The following ARL4A variants were observed in gnomAD, a reference collection of about 807,000 sequenced individuals.
The protein encoded by ARL4A is ADP-ribosylation factor-like protein 4A.
ARL4A carries 5 observed loss-of-function variants against 13.9 expected under a neutral mutation model. That is an observed-to-expected ratio of 0.36 (90% CI 0.19 to 0.75). The LOEUF (loss-of-function observed/expected upper bound fraction) is 0.75, where lower values mean the gene tolerates loss of function less well. Among genes scored for constraint, ARL4A ranks in the 30% least tolerant of loss-of-function variants. The pLI is 0.53. For synonymous variants in ARL4A, 77 were observed against 84.4 expected, an observed-to-expected ratio of 0.91 and a Z score of 0.48; for missense variants, 147 against 225.8, an observed-to-expected ratio of 0.65 and a Z score of 2.24.
chr7:12,688,135 A>G lies in ARL4A; in HGVS notation c.-89-31A>G. ...ACCTGTTTTAATGTATTATTTCGGG[A>G]GAATAACTTATTCCTTCTTCCGTCT... On this transcript the variant is annotated intron_variant, in intron 1 of 1. Coordinates refer to ENST00000651779, the MANE Select transcript of ARL4A (RefSeq NM_005738.5). This position sits in a 1 kb window ranked among gnomAD's most constrained non-coding sequence, Gnocchi z 5.2. 1 of 1,396,532 alleles carries G rather than the reference A, an allele frequency of 7.2e-7. No individual in the cohort carries two copies. The highest frequency in any genetic ancestry group is 9.7e-7 in the Non-Finnish European group (1 of 1,033,140). The allele number at this position is 1,396,532 out of a possible 1,614,324, so 86.5% of individuals were successfully genotyped here.
chr7:12,687,023 G>A (rs1413743680), upstream of ARL4A: 1 of 152,388 alleles, frequency 6.6e-6, no homozygotes, highest in Non-Finnish European at 1.5e-5. The surrounding 1 kb of genome is among the most constrained non-coding windows in gnomAD (Gnocchi z 5.6). Context: ...GAATGAAGAA[G>A]AGGGAAGGAC....
chr7:12,688,342 T>G lies in ARL4A; in HGVS notation c.88T>G (p.Cys30Gly), dbSNP rs144595174. Residue 30 changes from cysteine to glycine, a missense_variant, in exon 2 of 2, where the codon TGT becomes GGT. By Grantham distance (159) the Cys-to-Gly change is radical (BLOSUM62 -3). Transcript: ENST00000651779. This position sits in a 1 kb window ranked among gnomAD's most constrained non-coding sequence, Gnocchi z 5.2. ...CCACATTGTTATTCTGGGTTTGGACTGTGCTGGAAAGACAACTGTCTTATA... is the reference window on the plus strand; with the variant it reads ...CCACATTGTTATTCTGGGTTTGGACGGTGCTGGAAAGACAACTGTCTTATA... ...SFHIVILGLD[C>G]AGKTTVLYRL... 36 of 1,613,956 alleles carry G rather than the reference T, an allele frequency of 2.2e-5. No homozygotes were observed. In the African/African-American group the frequency reaches 4.8e-4, roughly 22 times the overall value.
In ARL4A at chr7:12,688,509, G is replaced by A; in HGVS notation, c.255G>A (p.Leu85=). The change falls in exon 2 of 2, where the codon CTG becomes CTA. Residue 85 remains leucine, a synonymous_variant. Transcript: ENST00000651779. The surrounding 1 kb of genome is among the most constrained non-coding windows in gnomAD (Gnocchi z 5.2). ...GTGGTCAGGAGAAATTAAGGCCACT[G>A]TGGAAGTCATATACCAGATGCACAG... ...DVGGQEKLRP[L]WKSYTRCTDG... The A allele has an allele frequency of 3.1e-6, 5 of 1,612,010 alleles. No homozygotes were observed. Among genetic ancestry groups the A allele is most frequent in the South Asian group, 1.1e-5 (1 of 90,992 alleles).
chr7:12,687,366 C>T (rs927218838), upstream of ARL4A: 2 of 152,246 alleles, frequency 1.3e-5, no homozygotes, highest in Admixed American at 6.5e-5. The surrounding 1 kb of genome is among the most constrained non-coding windows in gnomAD (Gnocchi z 5.6). Context: ...CCGCCCGAGG[C>T]TCCCCTTCAC....
At position 12,688,805 on chromosome 7, in the gene ARL4A, A is replaced by G. The variant is rs1784570156; in HGVS notation, c.551A>G (p.Asp184Gly). 1 of 1,609,770 alleles carries G rather than the reference A, an allele frequency of 6.2e-7. No homozygotes were observed. Among genetic ancestry groups the G allele is most frequent in the African/African-American group, 1.3e-5 (1 of 74,550 alleles). Residue 184 changes from aspartate (D) to glycine (G), a missense_variant, in exon 2 of 2, where the codon GAT (aspartate) becomes GGT (glycine). Coordinates refer to ENST00000651779, the MANE Select transcript of ARL4A (RefSeq NM_005738.5). This position sits in a 1 kb window ranked among gnomAD's most constrained non-coding sequence, Gnocchi z 5.2. ...GLKEGLEKLHDMIIKRRKMLR... is the reference protein window; with the variant it reads ...GLKEGLEKLHGMIIKRRKMLR... ...AAGGAAGGACTTGAGAAACTACATG[A>G]TATGATCATTAAAAGAAGAAAAATG...
At position 12,687,916 on chromosome 7, in the gene ARL4A, A is replaced by G. The variant is rs1784551183; in HGVS notation, c.-90+188A>G. Among the ~76,000 whole-genome samples the G allele has an allele frequency of 6.6e-6, 1 of 152,034 alleles. No individual in the cohort carries two copies. Among genetic ancestry groups the G allele is most frequent in the African/African-American group, 2.4e-5 (1 of 41,424 alleles). The stretch of plus-strand genomic sequence containing the variant: ...GGTTCTTTCCAGAATGAGGTCTTTG[A>G]GGTTTGGGGACCCAGGAGAAAAACG... On this transcript the variant is annotated intron_variant, in intron 1 of 1. Coordinates refer to ENST00000651779, the MANE Select transcript of ARL4A (RefSeq NM_005738.5). This position sits in a 1 kb window ranked among gnomAD's most constrained non-coding sequence, Gnocchi z 5.6.
upstream of ARL4A, chr7:12,687,440 T>C (rs1784540832): frequency 6.6e-6 from 1 of 152,260 alleles, no homozygotes; most frequent in African/African-American, 2.4e-5. This position sits in a 1 kb window ranked among gnomAD's most constrained non-coding sequence, Gnocchi z 5.6. Flanking sequence ...CAACAGGTGG[T>C]GCCGGTGGAC....
rs551368390 is a variant in ARL4A, at chr7:12,690,004, T to C, written c.*1147T>C. On this transcript the variant is annotated 3_prime_UTR_variant, in exon 2 of 2. Coordinates refer to ENST00000651779, the MANE Select transcript of ARL4A (RefSeq NM_005738.5). ...TACATGGGCTGTCCAGTCCTGATTA[T>C]AGAGAGGAAGAAATGGTAACAGTAT... 6.0e-6 allele frequency: 1 copy of C among 166,974 alleles called. No homozygotes were observed. The highest frequency in any genetic ancestry group is 2.4e-5 in the African/African-American group (1 of 41,410). 10.3% of individuals were successfully genotyped at this position (166,974 alleles called of 1,614,324 possible). A position where few individuals can be genotyped will look rare whatever the true frequency, so the allele number is the denominator to read the frequency against.
rs749882410 is a variant in ARL4A, at chr7:12,688,346, C to G, written c.92C>G (p.Ala31Gly). 1.9e-6 allele frequency: 3 copies of G among 1,613,794 alleles called. No homozygotes were observed. In the African/African-American group the frequency reaches 4.0e-5, roughly 22 times the overall value. Residue 31 changes from alanine to glycine, a missense_variant, in exon 2 of 2, where the codon GCT becomes GGT. By Grantham distance (60) the Ala-to-Gly change is moderately conservative (BLOSUM62 0). Coordinates refer to ENST00000651779, the MANE Select transcript of ARL4A (RefSeq NM_005738.5). The surrounding 1 kb of genome is among the most constrained non-coding windows in gnomAD (Gnocchi z 5.2). The stretch of plus-strand genomic sequence containing the variant: ...ATTGTTATTCTGGGTTTGGACTGTG[C>G]TGGAAAGACAACTGTCTTATACAGG... ...FHIVILGLDC[A>G]GKTTVLYRLQ... is the part of the protein sequence containing the mutation.
chr7:12,688,159 C>T lies in ARL4A; in HGVS notation c.-89-7C>T. On this transcript the variant is annotated splice_region_variant and splice_polypyrimidine_tract_variant and intron_variant, in intron 1 of 1. Coordinates refer to ENST00000651779, the MANE Select transcript of ARL4A (RefSeq NM_005738.5). The surrounding 1 kb of genome is among the most constrained non-coding windows in gnomAD (Gnocchi z 5.2). ...GAGAATAACTTATTCCTTCTTCCGT[C>T]TCCCAGCAGTCTTATAGCTGGATCA... 1 of 1,468,466 alleles carries T rather than the reference C, an allele frequency of 6.8e-7. No homozygotes were observed. Among genetic ancestry groups the T allele is most frequent in the South Asian group, 1.5e-5 (1 of 68,648 alleles). 91.0% of individuals were successfully genotyped at this position (1,468,466 alleles called of 1,614,324 possible).
upstream of ARL4A, chr7:12,687,485 G>C (rs1784542445): frequency 6.5e-6 from 1 of 152,770 alleles, no homozygotes; most frequent in Admixed American, 6.5e-5. The surrounding 1 kb of genome is among the most constrained non-coding windows in gnomAD (Gnocchi z 5.6). Flanking sequence ...GCTGGGAGCG[G>C]CAGTTACCCT....
Position 12,690,445 on chromosome 7 carries a change from T to C in ARL4A, c.*1588T>C, listed in dbSNP as rs999774422. The C allele has an allele frequency of 1.8e-5, 3 of 166,950 alleles. No individual in the cohort carries two copies. Among genetic ancestry groups the C allele is most frequent in the African/African-American group, 7.2e-5 (3 of 41,450 alleles). The allele number at this position is 166,950 out of a possible 1,614,324, so 10.3% of individuals were successfully genotyped here. On this transcript the variant is annotated 3_prime_UTR_variant, in exon 2 of 2. Transcript: ENST00000651779. ...GTCACTTAGAATGTTTATAGAAATG[T>C]GGATAATAACTACCAATAAACTACT...
Position 12,689,058 on chromosome 7 carries a change from C to T in ARL4A, c.*201C>T. The stretch of plus-strand genomic sequence containing the variant: ...GTGCTTCTTAAAGTGGTCTCTTCTC[C>T]CTACCCCACAAATCTTTTGGTACTA... On this transcript the variant is annotated 3_prime_UTR_variant, in exon 2 of 2. Coordinates refer to ENST00000651779, the MANE Select transcript of ARL4A (RefSeq NM_005738.5). 1 of 534,182 alleles carries T rather than the reference C, an allele frequency of 1.9e-6. No homozygotes were observed. The highest frequency in any genetic ancestry group is 3.3e-6 in the Non-Finnish European group (1 of 298,678). The allele number at this position is 534,182 out of a possible 1,614,324, so 33.1% of individuals were successfully genotyped here.
In ARL4A at chr7:12,689,078, G is replaced by C. The variant is rs1347893535; in HGVS notation, c.*221G>C. On this transcript the variant is annotated 3_prime_UTR_variant, in exon 2 of 2. Coordinates refer to ENST00000651779, the MANE Select transcript of ARL4A (RefSeq NM_005738.5). ...TTCTCCCTACCCCACAAATCTTTTG[G>C]TACTACCATTTGGGGAAGCCAAGCA... 1.5e-5 allele frequency: 7 copies of C among 471,430 alleles called. No homozygotes were observed. The highest frequency in any genetic ancestry group is 2.3e-5 in the Non-Finnish European group (6 of 257,428). The allele number at this position is 471,430 out of a possible 1,614,324, so 29.2% of individuals were successfully genotyped here.
rs1372844380 is a variant in ARL4A, at chr7:12,688,285, A to G, written c.31A>G (p.Ile11Val). 23 of 1,609,546 alleles carry G rather than the reference A, an allele frequency of 1.4e-5. No homozygotes were observed. The African/African-American group carries it at 2.1e-4, about 15-fold the overall frequency. Residue 11 changes from isoleucine to valine, a missense_variant, in exon 2 of 2, where the codon ATC becomes GTC. Ile to Val is a conservative substitution (Grantham distance 29). Transcript: ENST00000651779. The surrounding 1 kb of genome is among the most constrained non-coding windows in gnomAD (Gnocchi z 5.2). MGNGLSDQTS[I>V]LSNLPSFQSF... ...GAATGGGCTGTCAGACCAGACTTCT[A>G]TCCTGTCCAACCTGCCTTCATTTCA...
upstream of ARL4A, chr7:12,687,300 G>A (rs1308204247): frequency 6.6e-6 from 1 of 152,198 alleles, no homozygotes; most frequent in Non-Finnish European, 1.5e-5. The surrounding 1 kb of genome is among the most constrained non-coding windows in gnomAD (Gnocchi z 5.6). Context: ...TTGACGCCCT[G>A]GCTGCGCTGC....
Position 12,688,433 on chromosome 7 carries a change from A to G in ARL4A, c.179A>G (p.Lys60Arg), listed in dbSNP as rs774770611. Reference sequence around the variant, plus strand: ...AAAGGATTTAACACTGAGAAAATTAAGGTAACCTTGGGAAATTCTAAAACA... The same window carrying G: ...AAAGGATTTAACACTGAGAAAATTAGGGTAACCTTGGGAAATTCTAAAACA... ...PTKGFNTEKI[K>R]VTLGNSKTVT... The change falls in exon 2 of 2, where the codon AAG becomes AGG. Residue 60 changes from lysine to arginine, a missense_variant. By Grantham distance (26) the Lys-to-Arg change is conservative (BLOSUM62 2). Coordinates refer to ENST00000651779, the MANE Select transcript of ARL4A (RefSeq NM_005738.5). This position sits in a 1 kb window ranked among gnomAD's most constrained non-coding sequence, Gnocchi z 5.2. 1.2e-5 allele frequency: 20 copies of G among 1,613,450 alleles called. No individual in the cohort carries two copies. The highest frequency in any genetic ancestry group is 1.7e-4 in the Middle Eastern group (1 of 5,758).
Position 12,688,657 on chromosome 7 carries a change from A to T in ARL4A, c.403A>T (p.Lys135Ter). ...QGVPVLIVAN[K>*]QDLRNSLSLS... Reference sequence around the variant, plus strand: ...AGTCCCTGTACTTATAGTTGCTAACAAACAAGATTTGAGGAACTCATTGTC... The same window carrying T: ...AGTCCCTGTACTTATAGTTGCTAACTAACAAGATTTGAGGAACTCATTGTC... Residue 135 changes from lysine (K) to a stop codon, truncating the protein, a stop_gained, in exon 2 of 2, where the codon AAA becomes TAA. Transcript: ENST00000651779. LOFTEE classifies it high-confidence loss of function. This position sits in a 1 kb window ranked among gnomAD's most constrained non-coding sequence, Gnocchi z 5.2. The T allele has an allele frequency of 6.2e-7, 1 of 1,613,982 alleles. No homozygotes were observed. The highest frequency in any genetic ancestry group is 8.5e-7 in the Non-Finnish European group (1 of 1,179,870).
chr7:12,689,049 T>C lies in ARL4A; in HGVS notation c.*192T>C. The C allele has an allele frequency of 5.2e-6, 3 of 577,274 alleles. No homozygotes were observed. The highest frequency in any genetic ancestry group is 6.1e-6 in the Non-Finnish European group (2 of 328,710). 35.8% of individuals were successfully genotyped at this position (577,274 alleles called of 1,614,324 possible). On this transcript the variant is annotated 3_prime_UTR_variant, in exon 2 of 2. Coordinates refer to ENST00000651779, the MANE Select transcript of ARL4A (RefSeq NM_005738.5). Reference sequence around the variant, plus strand: ...GTAAATGCAGTGCTTCTTAAAGTGGTCTCTTCTCCCTACCCCACAAATCTT... The same window carrying C: ...GTAAATGCAGTGCTTCTTAAAGTGGCCTCTTCTCCCTACCCCACAAATCTT...
Sources: gnomAD v4.1 joint callset for allele counts (sites outside exome capture counted in the v4.1 genomes callset) on GRCh38, gnomAD v4.1.1 for gene constraint, Gnocchi (gnomAD v3.1) non-coding constraint, MANE v1.5 for transcripts, NCBI Gene and HGNC (gene_info 2026-07-23, HGNC 2026-07-21) for gene names.